ATP2A1: variants seen among roughly 807,000 people sequenced by gnomAD.
The protein encoded by ATP2A1 is sarcoplasmic/endoplasmic reticulum calcium ATPase 1.
Under a neutral mutation model 109.5 loss-of-function variants are expected in ATP2A1, and 83 were observed. That is an observed-to-expected ratio of 0.76 (90% CI 0.63 to 0.91). ATP2A1 has a LOEUF of 0.91. Among genes scored for constraint, ATP2A1 ranks in the 40% least tolerant of loss-of-function variants. The pLI, the probability that ATP2A1 is intolerant of heterozygous loss-of-function variation, is 0.00. For missense variants in ATP2A1, 1,101 were observed against 1,341.0 expected (o/e 0.82, Z 2.80); for synonymous variants, 505 against 537.6 (o/e 0.94, Z 0.84).
chr16:28,878,586 C>T lies in ATP2A1; in HGVS notation c.-86C>T, dbSNP rs1281902628. 1 of 1,096,822 alleles carries T rather than the reference C, an allele frequency of 9.1e-7. No homozygotes were observed. The highest frequency in any genetic ancestry group is 1.4e-6 in the Non-Finnish European group (1 of 733,036). 67.9% of individuals were successfully genotyped at this position (1,096,822 alleles called of 1,614,324 possible). A position where few individuals can be genotyped will look rare whatever the true frequency, so the allele number is the denominator to read the frequency against. Reference sequence around the variant, plus strand: ...AAAAGAAGAAACCCAGGCAGACAGGCAGTTGGACACACTGAGGAAGACCCC... The same window carrying T: ...AAAAGAAGAAACCCAGGCAGACAGGTAGTTGGACACACTGAGGAAGACCCC... On this transcript the variant is annotated 5_prime_UTR_variant, in exon 1 of 23. Coordinates refer to ENST00000395503, the MANE Select transcript of ATP2A1 (RefSeq NM_004320.6).
rs965498647 is a variant in ATP2A1, at chr16:28,894,969, C to A, written c.1419+16C>A. ...CTGCAACTCGGTGAGCCTGCGGAGC[C>A]CCTGCCACAGGGCCGTCTCCACTCT... On this transcript the variant is annotated intron_variant, in intron 12 of 22. Transcript: ENST00000395503. 1.9e-6 allele frequency: 3 copies of A among 1,610,330 alleles called. No homozygotes were observed. In the African/African-American group the frequency reaches 4.0e-5, roughly 21 times the overall value.
chr16:28,902,421 C>T lies in ATP2A1; in HGVS notation c.2524+35C>T. ...AGGGGTTCCTCGATCCTCCCCACCC[C>T]TTGGGACTAACCCCCTCTCTGGGAC... On this transcript the variant is annotated intron_variant, in intron 17 of 22. Transcript: ENST00000395503. This position sits in a 1 kb window ranked among gnomAD's most constrained non-coding sequence, Gnocchi z 4.8. 1 of 1,609,242 alleles carries T rather than the reference C, an allele frequency of 6.2e-7. No individual in the cohort carries two copies.
intron 6 of ATP2A1, among the ~76,000 whole-genome samples, chr16:28,885,309 C>T (rs1373501538): frequency 7.9e-5 from 12 of 151,492 alleles, no homozygotes; most frequent in Admixed American, 7.9e-4. Context: ...CCCCCTGGCT[C>T]GCTAGTAGTG....
Position 28,900,822 on chromosome 16 carries a change from C to A in ATP2A1, c.2006C>A (p.Ala669Asp). The change falls in exon 15 of 23, where the codon GCC becomes GAC. Residue 669 changes from alanine (A) to aspartate (D), a missense_variant. Ala to Asp is a moderately radical substitution (Grantham distance 126, BLOSUM62 -2). Coordinates refer to ENST00000395503, the MANE Select transcript of ATP2A1 (RefSeq NM_004320.6). ...CTGCCCCTGGCTGAACAGCGGGAAG[C>A]CTGCCGACGTGCCTGCTGCTTCGCC... ...DDLPLAEQRE[A>D]CRRACCFARV... The A allele has an allele frequency of 6.2e-7, 1 of 1,614,216 alleles. No homozygotes were observed.
At chr16:28,882,712 C>A in intron 5 of ATP2A1, 123 bp downstream of exon 5, 1 of 1,453,900 alleles carries the variant, frequency 6.9e-7, no homozygotes, top group Non-Finnish European at 9.3e-7. Context: ...CTTCTCTTTC[C>A]GACTCCTCAG....
Position 28,898,531 on chromosome 16 carries a change from C to T in ATP2A1, c.1764+80C>T, listed in dbSNP as rs1567489228. The T allele has an allele frequency of 6.2e-6, 9 of 1,452,284 alleles. No individual in the cohort carries two copies. The highest frequency in any genetic ancestry group is 3.9e-5 in the Admixed American group (2 of 51,362). The allele number at this position is 1,452,284 out of a possible 1,614,324, so 90.0% of individuals were successfully genotyped here. A position where few individuals can be genotyped will look rare whatever the true frequency, so the allele number is the denominator to read the frequency against. On this transcript the variant is annotated intron_variant, in intron 14 of 22. Coordinates refer to ENST00000395503, the MANE Select transcript of ATP2A1 (RefSeq NM_004320.6). The surrounding 1 kb of genome is among the most constrained non-coding windows in gnomAD (Gnocchi z 4.0). ...GCCATCCACTCACAGCTCCACCACC[C>T]GGATCATTTCCTACCTCGTCAGTCA...
At chr16:28,889,213 C>A (rs1192456555) in intron 9 of ATP2A1, among the ~76,000 whole-genome samples, 3 of 151,966 alleles carry the variant, frequency 2.0e-5, no homozygotes, top group African/African-American at 7.3e-5. Context: ...CTCACAATAG[C>A]CCATTCAGAG....
At chr16:28,884,548 C>A in intron 5 of ATP2A1, 27 bp from the exon 6 acceptor site, 1 of 1,582,702 alleles carries the variant, frequency 6.3e-7, no homozygotes, top group Non-Finnish European at 8.7e-7. Flanking sequence ...TCCCAAGTGA[C>A]CTCCCTCTTC....
In ATP2A1 at chr16:28,902,615, T is replaced by C. The variant is rs780556969; in HGVS notation, c.2560T>C (p.Trp854Arg). The change falls in exon 18 of 23, where the codon TGG becomes CGG. Residue 854 changes from tryptophan to arginine, a missense_variant. Trp to Arg is a moderately radical substitution (Grantham distance 101). Coordinates refer to ENST00000395503, the MANE Select transcript of ATP2A1 (RefSeq NM_004320.6). This position sits in a 1 kb window ranked among gnomAD's most constrained non-coding sequence, Gnocchi z 4.8. ...TGCAGCCACCGTGGGAGCAGCTGCC[T>C]GGTGGTTCCTGTACGCTGAGGATGG... ...VGAATVGAAA[W>R]WFLYAEDGPH... is the part of the protein sequence containing the mutation. 36 of 1,613,912 alleles carry C rather than the reference T, an allele frequency of 2.2e-5. No homozygotes were observed. Among genetic ancestry groups the C allele is most frequent in the Admixed American group, 2.2e-4 (13 of 59,984 alleles).
At position 28,903,569 on chromosome 16, in the gene ATP2A1, C is replaced by T. The variant is rs1403051560; in HGVS notation, c.2980+129C>T. On this transcript the variant is annotated intron_variant, in intron 21 of 22. Coordinates refer to ENST00000395503, the MANE Select transcript of ATP2A1 (RefSeq NM_004320.6). This position sits in a 1 kb window ranked among gnomAD's most constrained non-coding sequence, Gnocchi z 5.6. ...GCCCTGGCAGGACCTGTGTCCGCCC[C>T]GTTCCCCCTGCGCCTGCAGGGGCCA... 24 of 1,217,156 alleles carry T rather than the reference C, an allele frequency of 2.0e-5. No individual in the cohort carries two copies. Among genetic ancestry groups the T allele is most frequent in the East Asian group, 9.3e-5 (4 of 43,058 alleles). 75.4% of individuals were successfully genotyped at this position (1,217,156 alleles called of 1,614,324 possible).
rs1394383426 is a variant in ATP2A1, at chr16:28,878,686, T to TG, written c.16dup (p.Ala6GlyfsTer2). 1 of 1,604,488 alleles carries TG rather than the reference T, an allele frequency of 6.2e-7. No homozygotes were observed. Among genetic ancestry groups the TG allele is most frequent in the African/African-American group, 1.3e-5 (1 of 74,790 alleles). On this transcript the variant is annotated frameshift_variant, in exon 1 of 23. Transcript: ENST00000395503. LOFTEE classifies it high-confidence loss of function. The stretch of plus-strand genomic sequence containing the variant: ...AAGGGAGCACAATGGAGGCCGCTCA[T>TG]GCTAAAACCACGGAGGAATGTTTGG...
In ATP2A1 at chr16:28,886,169, T is replaced by C. The variant is rs1471233008; in HGVS notation, c.545-1020T>C. Among the ~76,000 whole-genome samples the C allele has an allele frequency of 3.3e-5, 5 of 151,854 alleles. No individual in the cohort carries two copies. In the East Asian group the frequency reaches 7.7e-4, roughly 23 times the overall value. On this transcript the variant is annotated intron_variant, in intron 6 of 22. Transcript: ENST00000395503. ...GGACAACAGAGCAAGACCCCATCTC[T>C]ATAAAATTTTTTTAAAAATTAGCTG... is the stretch of plus-strand genomic sequence containing the variant.
chr16:28,903,944 C>G lies in ATP2A1; in HGVS notation c.*37+203C>G. On this transcript the variant is annotated intron_variant, in intron 22 of 22. Coordinates refer to ENST00000395503, the MANE Select transcript of ATP2A1 (RefSeq NM_004320.6). This position sits in a 1 kb window ranked among gnomAD's most constrained non-coding sequence, Gnocchi z 5.6. ...TTTGGCTCCCAGGCCCTGGGCAGTG[C>G]CAGCCTCTGGGCCCGTCTGCTGCGC... The G allele has an allele frequency of 1.4e-6, 1 of 731,474 alleles. No individual in the cohort carries two copies. Among genetic ancestry groups the G allele is most frequent in the Non-Finnish European group, 2.4e-6 (1 of 418,762 alleles). 45.3% of individuals were successfully genotyped at this position (731,474 alleles called of 1,614,324 possible). A position where few individuals can be genotyped will look rare whatever the true frequency, so the allele number is the denominator to read the frequency against.
At position 28,884,580 on chromosome 16, in the gene ATP2A1, G is replaced by A. The variant is rs756278420; in HGVS notation, c.469G>A (p.Asp157Asn). 29 of 1,613,400 alleles carry A rather than the reference G, an allele frequency of 1.8e-5. No individual in the cohort carries two copies. Among genetic ancestry groups the A allele is most frequent in the Non-Finnish European group, 2.3e-5 (27 of 1,179,884 alleles). Reference protein sequence around the residue: ...PGDIVEVAVGDKVPADIRILA... With the variant: ...PGDIVEVAVGNKVPADIRILA... Reference sequence around the variant, plus strand: ...CTTCCCTACTCTCTCCACAGTGGGGGACAAAGTCCCTGCAGACATCCGAAT... The same window carrying A: ...CTTCCCTACTCTCTCCACAGTGGGGAACAAAGTCCCTGCAGACATCCGAAT... The change falls in exon 6 of 23, where the codon GAC (aspartate) becomes AAC (asparagine). Residue 157 changes from aspartate to asparagine, a missense_variant. Asp to Asn is a conservative substitution (Grantham distance 23). Transcript: ENST00000395503.
At position 28,902,675 on chromosome 16, in the gene ATP2A1, G is replaced by A; in HGVS notation, c.2610+10G>A. On this transcript the variant is annotated intron_variant, in intron 18 of 22. Coordinates refer to ENST00000395503, the MANE Select transcript of ATP2A1 (RefSeq NM_004320.6). This position sits in a 1 kb window ranked among gnomAD's most constrained non-coding sequence, Gnocchi z 4.8. ...CAACTACAGCCAGCTGGTAGGGGGA[G>A]GCCACAAAGGAGGGGACCAGGAGGG... 2.5e-6 allele frequency: 4 copies of A among 1,614,082 alleles called. No homozygotes were observed. The highest frequency in any genetic ancestry group is 1.6e-4 in the Middle Eastern group (1 of 6,062).
chr16:28,882,670 G>A lies in ATP2A1; in HGVS notation c.463+81G>A, dbSNP rs2152200319. 4.4e-6 allele frequency: 7 copies of A among 1,575,370 alleles called. No individual in the cohort carries two copies. The South Asian group carries it at 6.9e-5, about 15-fold the overall frequency. On this transcript the variant is annotated intron_variant, in intron 5 of 22. Transcript: ENST00000395503. ...AGATGCCGGGGGCTGGTCAGGCTCG[G>A]ATCCAGGTGTCCAGGAGGATGACGG...
At chr16:28,886,271 A>G (rs1963611483) in intron 6 of ATP2A1, among the ~76,000 whole-genome samples, 1 of 152,094 alleles carries the variant, frequency 6.6e-6, no homozygotes, top group Admixed American at 6.5e-5. Context: ...CAAGAGTTTG[A>G]GGCTGCAATG....
At chr16:28,899,354 A>T (rs1257205561) in intron 14 of ATP2A1, among the ~76,000 whole-genome samples, 7 of 152,174 alleles carry the variant, frequency 4.6e-5, no homozygotes, top group African/African-American at 1.7e-4. Flanking sequence ...TGAAACACAC[A>T]TTTTGGCTGG....
rs188260878 is a variant in ATP2A1, at chr16:28,888,398, C to T, written c.929-389C>T. ...CAGGGATTAGGATCTGGTATCTTTG[C>T]GGACCATTATTGTTTGTTTGTTTAA... is the stretch of plus-strand genomic sequence containing the variant. On this transcript the variant is annotated intron_variant, in intron 8 of 22. Transcript: ENST00000395503. 1.7e-3 allele frequency among the ~76,000 whole-genome samples: 261 copies of T among 151,944 alleles called. 3 individuals are homozygous for T. The highest frequency in any genetic ancestry group is 2.2e-3 in the Admixed American group (34 of 15,258).
Sources: allele counts gnomAD v4.1 joint callset (sites outside exome capture counted in the v4.1 genomes callset), GRCh38; gene constraint gnomAD v4.1.1; non-coding constraint Gnocchi (gnomAD v3.1); transcripts MANE v1.5; gene names NCBI Gene and HGNC (gene_info 2026-07-23, HGNC 2026-07-21).